Variants in KHDRBS2 observed in about 807,000 individuals in gnomAD.
The protein encoded by KHDRBS2 is KH domain-containing, RNA-binding, signal transduction-associated protein 2.
KHDRBS2 carries 26 observed loss-of-function variants against 44.3 expected under a neutral mutation model. The observed-to-expected ratio is 0.59, with a 90% CI of 0.43 to 0.81. The LOEUF is 0.81. Among genes scored for constraint, KHDRBS2 ranks in the 40% least tolerant of loss-of-function variants. The pLI is 0.00. For missense variants in KHDRBS2, 476 were observed against 433.1 expected, an observed-to-expected ratio of 1.10 and a Z score of -0.88; for synonymous variants, 194 against 151.1, an observed-to-expected ratio of 1.28 and a Z score of -2.08.
At chr6:61,968,060 C>T (rs1770513020) in intron 4 of KHDRBS2, among the ~76,000 whole-genome samples, 1 of 151,466 alleles carries the variant, frequency 6.6e-6, no homozygotes, top group African/African-American at 2.4e-5. Context: ...AACTTTATTA[C>T]TCAGAGAAGA....
chr6:62,069,998 G>C (rs944813730), intron 2 of KHDRBS2, among the ~76,000 whole-genome samples: 3 of 151,316 alleles, frequency 2.0e-5, no homozygotes, highest in East Asian at 2.0e-4. Flanking sequence ...AGTTTGTTTT[G>C]TTTTTGTGTC....
At chr6:61,923,192 T>C (rs1201292866) in intron 4 of KHDRBS2, among the ~76,000 whole-genome samples, 1 of 152,012 alleles carries the variant, frequency 6.6e-6, no homozygotes, top group East Asian at 1.9e-4. Context: ...TGTAAAGACG[T>C]AGCAACAGAA....
intron 1 of KHDRBS2, among the ~76,000 whole-genome samples, chr6:62,180,758 A>G (rs1422991965): frequency 6.6e-6 from 1 of 151,852 alleles, no homozygotes; most frequent in East Asian, 1.9e-4. Context: ...AAAATACACA[A>G]CTGGAGACAT....
intron 7 of KHDRBS2, among the ~76,000 whole-genome samples, chr6:61,713,702 C>T (rs1319068588): frequency 1.3e-5 from 2 of 150,836 alleles, no homozygotes; most frequent in African/African-American, 4.9e-5. Context: ...ACACATAGAT[C>T]AATGAAGCAG....
At chr6:62,199,976 A>C (rs1246134485) in intron 1 of KHDRBS2, among the ~76,000 whole-genome samples, 1 of 152,116 alleles carries the variant, frequency 6.6e-6, no homozygotes, top group Non-Finnish European at 1.5e-5. Flanking sequence ...CAAAAACAAG[A>C]AATGGAGAAA....
chr6:62,042,505 AG>A (rs1786747976), intron 3 of KHDRBS2, among the ~76,000 whole-genome samples: 1 of 152,066 alleles, frequency 6.6e-6, no homozygotes, highest in Non-Finnish European at 1.5e-5. Context: ...GATATTAAAG[AG>A]TTGAAACAGG....
chr6:61,971,592 G>T (rs1196654143), intron 4 of KHDRBS2, among the ~76,000 whole-genome samples: 1 of 151,944 alleles, frequency 6.6e-6, no homozygotes, highest in African/African-American at 2.4e-5. Context: ...TTGGCTGTGG[G>T]TCATCAATAT....
intron 5 of KHDRBS2, among the ~76,000 whole-genome samples, chr6:61,897,871 C>A (rs1382230524): frequency 6.6e-6 from 1 of 152,124 alleles, no homozygotes; most frequent in Non-Finnish European, 1.5e-5. Context: ...CAAAAGCCTT[C>A]AAAATTTACC....
chr6:61,732,658 T>C (rs764746113), intron 7 of KHDRBS2, 24 bp downstream of exon 7: 1 of 1,386,278 alleles, frequency 7.2e-7, no homozygotes, highest in Non-Finnish European at 1.0e-6. Flanking sequence ...CTGAGAAGGC[T>C]GCTTTAGATA....
intron 3 of KHDRBS2, among the ~76,000 whole-genome samples, chr6:61,984,475 C>G (rs1325983509): frequency 6.6e-6 from 1 of 151,930 alleles, no homozygotes; most frequent in South Asian, 2.1e-4. Flanking sequence ...AAAAAAAATA[C>G]GTTCTGAACA....
intron 6 of KHDRBS2, among the ~76,000 whole-genome samples, chr6:61,761,319 T>C (rs1047560979): frequency 1.3e-4 from 20 of 152,224 alleles, no homozygotes; most frequent in Non-Finnish European, 2.6e-4. Flanking sequence ...GTAAATGTTT[T>C]AGAAAACAAG....
intron 6 of KHDRBS2, among the ~76,000 whole-genome samples, chr6:61,879,873 G>C (rs1416149173): frequency 1.3e-5 from 2 of 151,370 alleles, no homozygotes; most frequent in African/African-American, 4.8e-5. Flanking sequence ...TCTTCTCATA[G>C]TATTATATAT....
At chr6:61,658,757 A>G in the KHDRBS2 span, among the ~76,000 whole-genome samples, 2 of 152,066 alleles carry the variant, frequency 1.3e-5, no homozygotes, top group South Asian at 4.1e-4. Context: ...ATAGTACACA[A>G]TCCACATTTG....
intron 1 of KHDRBS2, among the ~76,000 whole-genome samples, chr6:62,190,844 C>T (rs145638666): frequency 7.9e-5 from 12 of 152,166 alleles, no homozygotes; most frequent in Middle Eastern, 3.4e-3. Flanking sequence ...ACTCTATATG[C>T]AGTAGTCAAG....
intron 6 of KHDRBS2, among the ~76,000 whole-genome samples, chr6:61,842,500 T>C (rs1483216585): frequency 6.6e-6 from 1 of 152,162 alleles, no homozygotes; most frequent in Non-Finnish European, 1.5e-5. Context: ...GTGTCATAAT[T>C]ATCTAAAAAG....
intron 2 of KHDRBS2, among the ~76,000 whole-genome samples, chr6:62,176,304 A>T (rs1821081674): frequency 6.6e-6 from 1 of 151,384 alleles, no homozygotes; most frequent in Non-Finnish European, 1.5e-5. Flanking sequence ...CTCAAAGATA[A>T]ATTTTATGGT....
At chr6:62,083,172 G>T (rs1348568533) in intron 2 of KHDRBS2, among the ~76,000 whole-genome samples, 2 of 115,104 alleles carry the variant, frequency 1.7e-5, no homozygotes, top group African/African-American at 5.8e-5. Context: ...GCTTCACTGG[G>T]AGAGGGCAGA....
chr6:61,720,155 G>A lies in KHDRBS2; in HGVS notation c.893+12527C>T, dbSNP rs536222311. ...GTATTTCAAGGTGTATATGTGCCACGTTTTCTTAATCCAGTCTATCATTGT... is the reference window on the plus strand; with the variant it reads ...GTATTTCAAGGTGTATATGTGCCACATTTTCTTAATCCAGTCTATCATTGT... On this transcript the variant is annotated intron_variant, in intron 7 of 8. Transcript: ENST00000281156. 1.2e-4 allele frequency among the ~76,000 whole-genome samples: 18 copies of A among 152,212 alleles called. No homozygotes were observed. The South Asian group carries it at 3.1e-3, about 26-fold the overall frequency.
chr6:61,972,031 T>G (rs1309250759), intron 4 of KHDRBS2, among the ~76,000 whole-genome samples: 1 of 152,170 alleles, frequency 6.6e-6, no homozygotes, highest in South Asian at 2.1e-4. Flanking sequence ...CCAATTCTTA[T>G]CTCAGATAAA....
Sources: gnomAD v4.1 joint callset for allele counts (sites outside exome capture counted in the v4.1 genomes callset) on GRCh38, gnomAD v4.1.1 for gene constraint, MANE v1.5 for transcripts, NCBI Gene and HGNC (gene_info 2026-07-23, HGNC 2026-07-21) for gene names.